The following GRIN1 variants were observed in gnomAD, a reference collection of about 807,000 sequenced individuals.
GRIN1 encodes the protein glutamate receptor ionotropic, NMDA 1.
GRIN1 carries 38 observed loss-of-function variants against 103.0 expected under a neutral mutation model. That is an observed-to-expected ratio of 0.37 (90% CI 0.28 to 0.48). The LOEUF is 0.48. Ranked by LOEUF, GRIN1 falls within the 20% of genes least tolerant of loss-of-function variation. The pLI, the probability that GRIN1 is intolerant of heterozygous loss-of-function variation, is 0.98. For synonymous variants in GRIN1, 544 were observed against 532.7 expected, an observed-to-expected ratio of 1.02 and a Z score of -0.29; for missense variants, 577 against 1,288.9, an observed-to-expected ratio of 0.45 and a Z score of 8.46.
At chr9:137,159,352 CCTT>C (rs951268070) in intron 8 of GRIN1, among the ~76,000 whole-genome samples, 4 of 152,350 alleles carry the variant, frequency 2.6e-5, no homozygotes, top group African/African-American at 9.6e-5. Flanking sequence ...CGCCCACCAA[CCTT>C]CTCTCGGTCA....
intron 4 of GRIN1, among the ~76,000 whole-genome samples, 163 bp from the exon 5 acceptor site, chr9:137,156,506 C>T (rs1391565134): frequency 6.6e-6 from 1 of 152,230 alleles, no homozygotes; most frequent in Non-Finnish European, 1.5e-5. Flanking sequence ...CTGGGAGGCT[C>T]CTGGGTTCTG....
chr9:137,144,345 C>T (rs1000398444), intron 2 of GRIN1, among the ~76,000 whole-genome samples: 10 of 146,756 alleles, frequency 6.8e-5, no homozygotes, highest in Non-Finnish European at 1.5e-4. Flanking sequence ...AAGGAGGGGT[C>T]CCAGTGTCTA....
rs1057279269 is a variant in GRIN1 at position 137,167,969 on chromosome 9, C to T, written c.*442C>T. 2.9e-5 allele frequency: 24 copies of T among 830,998 alleles called. No homozygotes were observed. Among genetic ancestry groups the T allele is most frequent in the Non-Finnish European group, 4.5e-5 (23 of 507,196 alleles). The allele number at this position is 830,998 out of a possible 1,614,324, so 51.5% of individuals were successfully genotyped here. ...GCCCACCCTGGGCCTCCCGTCCGTC[C>T]GCCCGCCCACCCCGCTGCCTGGCGG... On this transcript the variant is annotated 3_prime_UTR_variant, in exon 20 of 20. Coordinates refer to ENST00000371561, the MANE Select transcript of GRIN1 (RefSeq NM_007327.4).
chr9:137,157,039 T>C lies in GRIN1; in HGVS notation c.968+2T>C. On this transcript the variant is annotated splice_donor_variant, in intron 6 of 19. Transcript: ENST00000371561. LOFTEE classifies it high-confidence loss of function. ...GAAGACCGGGCCGCTCTTCAAGAGG[T>C]GGGCGGGGCCTCCCCGGAGCTGGGC... The C allele has an allele frequency of 8.5e-7, 1 of 1,182,906 alleles. No individual in the cohort carries two copies. Among genetic ancestry groups the C allele is most frequent in the Non-Finnish European group, 1.1e-6 (1 of 933,420 alleles). The allele number at this position is 1,182,906 out of a possible 1,614,324, so 73.3% of individuals were successfully genotyped here.
intron 19 of GRIN1, 30 bp from the exon 20 acceptor site, chr9:137,167,381 C>T (rs762026987): frequency 4.6e-6 from 7 of 1,527,554 alleles, no homozygotes; most frequent in Non-Finnish European, 6.2e-6. Context: ...GCGGGGCCAG[C>T]GGGTATTGAT....
chr9:137,148,347 G>A (rs1832664023), intron 3 of GRIN1: 2 of 634,164 alleles, frequency 3.2e-6, no homozygotes, highest in Non-Finnish European at 5.5e-6. Context: ...GCCGGCAGCA[G>A]GCAGGAGAGG....
intron 1 of GRIN1, among the ~76,000 whole-genome samples, chr9:137,141,371 T>G (rs1483265078): frequency 6.6e-6 from 1 of 152,152 alleles, no homozygotes; most frequent in Non-Finnish European, 1.5e-5. Context: ...ATCTGCCCCA[T>G]GGGGCCTTGG....
chr9:137,140,199 G>A (rs1428361695), intron 1 of GRIN1, among the ~76,000 whole-genome samples: 1 of 152,210 alleles, frequency 6.6e-6, no homozygotes, highest in Non-Finnish European at 1.5e-5. Flanking sequence ...GGTCCGCCTG[G>A]GAAGAGAAAT....
rs1011170997 is a variant in GRIN1, at chr9:137,146,660, G to A, written c.570+758G>A. On this transcript the variant is annotated intron_variant, in intron 3 of 19. Coordinates refer to ENST00000371561, the MANE Select transcript of GRIN1 (RefSeq NM_007327.4). The surrounding 1 kb of genome is among the most constrained non-coding windows in gnomAD (Gnocchi z 6.7). ...TTACCACTCCCATTTGCAGTCTGGG[G>A]CAGAGCTGGTTCTCGGCTACAGACC... 4.6e-5 allele frequency among the ~76,000 whole-genome samples: 7 copies of A among 152,280 alleles called. No individual in the cohort carries two copies. Among genetic ancestry groups the A allele is most frequent in the Admixed American group, 4.6e-4 (7 of 15,312 alleles).
intron 2 of GRIN1, among the ~76,000 whole-genome samples, chr9:137,144,595 C>T (rs866321666): frequency 1.9e-4 from 29 of 148,826 alleles, no homozygotes; most frequent in Admixed American, 4.7e-4. Context: ...GCGGAGCCTG[C>T]AGTGAGCCGA....
At chr9:137,152,862 A>G (rs1455978008) in intron 4 of GRIN1, among the ~76,000 whole-genome samples, 1 of 151,806 alleles carries the variant, frequency 6.6e-6, no homozygotes, top group Non-Finnish European at 1.5e-5. Flanking sequence ...ATACATCTCT[A>G]CCCACACATG....
chr9:137,157,896 A>G (rs1320143628), intron 6 of GRIN1, among the ~76,000 whole-genome samples: 2 of 152,204 alleles, frequency 1.3e-5, no homozygotes, highest in Non-Finnish European at 2.9e-5. Context: ...TGCACCCCAC[A>G]TAGGGATCAC....
intron 2 of GRIN1, among the ~76,000 whole-genome samples, chr9:137,145,386 C>A (rs1406593287): frequency 1.0e-5 from 1 of 95,514 alleles, no homozygotes. Context: ...GTGGGAGACA[C>A]GAGGGGGTCC....
chr9:137,165,036 G>A (rs368747050), intron 18 of GRIN1, 150 bp from the exon 19 acceptor site: 18 of 721,160 alleles, frequency 2.5e-5, no homozygotes, highest in South Asian at 1.3e-4. Flanking sequence ...TCGAACGTCC[G>A]CTGTCGGCCC....
chr9:137,162,261 C>A lies in GRIN1; in HGVS notation c.1722C>A (p.Ala574=). 1 of 1,546,110 alleles carries A rather than the reference C, an allele frequency of 6.5e-7. No homozygotes were observed. The highest frequency in any genetic ancestry group is 1.2e-5 in the South Asian group (1 of 84,744). The change falls in exon 12 of 20, where the codon GCC becomes GCA. Residue 574 remains alanine, a synonymous_variant. Transcript: ENST00000371561. ...TGGGGCTGTCGGTGCACGTGGTGGC[C>A]GTGATGCTGTACCTGCTGGACCGCT... ...LLVGLSVHVV[A]VMLYLLDRFS...
chr9:137,141,591 G>T (rs75318296), intron 1 of GRIN1, among the ~76,000 whole-genome samples: 1,762 of 152,262 alleles, frequency 0.012, 35 homozygotes, highest in African/African-American at 0.04. Flanking sequence ...AGAGCTGCCC[G>T]CCCTGTCTCG....
chr9:137,153,069 C>T (rs1482631045), intron 4 of GRIN1, among the ~76,000 whole-genome samples: 1 of 151,484 alleles, frequency 6.6e-6, no homozygotes, highest in African/African-American at 2.4e-5. Flanking sequence ...GCACACATGC[C>T]ATATACACAC....
At chr9:137,141,762 C>G (rs1832175376) in intron 1 of GRIN1, among the ~76,000 whole-genome samples, 1 of 152,172 alleles carries the variant, frequency 6.6e-6, no homozygotes, top group Non-Finnish European at 1.5e-5. Flanking sequence ...TTCACCTGGC[C>G]CTTGAGCACA....
In GRIN1 at chr9:137,158,436, G is replaced by A; in HGVS notation, c.1026G>A (p.Glu342=). The change falls in exon 7 of 20, where the codon GAG becomes GAA. Residue 342 remains glutamate (E), a synonymous_variant. Transcript: ENST00000371561. ...DGVTGRVEFN[E]DGDRKFANYS... is the part of the protein sequence containing the mutation. The stretch of plus-strand genomic sequence containing the variant: ...TGACTGGTCGCGTGGAGTTCAATGA[G>A]GATGGGGACCGGAAGTTCGCCAACT... 1 of 1,613,652 alleles carries A rather than the reference G, an allele frequency of 6.2e-7. No homozygotes were observed. The highest frequency in any genetic ancestry group is 8.5e-7 in the Non-Finnish European group (1 of 1,179,982).
Sources: allele counts gnomAD v4.1 joint callset (sites outside exome capture counted in the v4.1 genomes callset), GRCh38; gene constraint gnomAD v4.1.1; non-coding constraint Gnocchi (gnomAD v3.1); transcripts MANE v1.5; gene names NCBI Gene and HGNC (gene_info 2026-07-23, HGNC 2026-07-21).